C12orf42: variants seen among roughly 807,000 people sequenced by gnomAD.
The protein encoded by C12orf42 is uncharacterized protein C12orf42.
Under a neutral mutation model 21.6 loss-of-function variants are expected in C12orf42, and 25 were observed. The observed-to-expected ratio is 1.16, with a 90% CI of 0.84 to 1.62. The LOEUF is 1.62. C12orf42 is among the 40% of genes most tolerant of loss of function. The pLI, the probability that C12orf42 is intolerant of heterozygous loss-of-function variation, is 0.00. For missense variants in C12orf42, 483 were observed against 459.3 expected, an observed-to-expected ratio of 1.05 and a Z score of -0.47; for synonymous variants, 174 against 175.0, an observed-to-expected ratio of 0.99 and a Z score of 0.05.
the C12orf42 span, among the ~76,000 whole-genome samples, chr12:103,051,078 G>A: frequency 6.6e-6 from 1 of 152,124 alleles, no homozygotes; most frequent in Non-Finnish European, 1.5e-5. Context: ...AAAACTAAAA[G>A]TGTTCTGTAA....
chr12:103,280,788 G>A (rs960156237), intron 4 of C12orf42, among the ~76,000 whole-genome samples: 7 of 152,192 alleles, frequency 4.6e-5, no homozygotes, highest in Admixed American at 1.3e-4. Flanking sequence ...TCCACCACAC[G>A]AACCTATGGA....
the C12orf42 span, among the ~76,000 whole-genome samples, chr12:103,069,858 G>A: frequency 6.6e-6 from 1 of 152,154 alleles, no homozygotes; most frequent in Non-Finnish European, 1.5e-5. Flanking sequence ...GTCTCACCAT[G>A]TCCTTTGAAA....
At chr12:103,137,913 A>AAAC in the C12orf42 span, among the ~76,000 whole-genome samples, 1 of 152,132 alleles carries the variant, frequency 6.6e-6, no homozygotes, top group Non-Finnish European at 1.5e-5. Context: ...TTATGGGTAC[A>AAAC]AACATAAAGT....
the C12orf42 span, among the ~76,000 whole-genome samples, chr12:103,530,686 G>A: frequency 1.3e-5 from 2 of 152,142 alleles, no homozygotes; most frequent in Non-Finnish European, 2.9e-5. Flanking sequence ...GGAGGTGAGG[G>A]GTGAAGGAGA....
At chr12:103,240,625 C>A (rs2136166058) in intron 10 of C12orf42, among the ~76,000 whole-genome samples, 1 of 152,288 alleles carries the variant, frequency 6.6e-6, no homozygotes, top group South Asian at 2.1e-4. Flanking sequence ...ACCGCTGTTT[C>A]CATGTCCCAG....
intron 10 of C12orf42, chr12:103,262,552 A>AT (rs2034948995): frequency 6.6e-6 from 1 of 152,080 alleles, no homozygotes. Flanking sequence ...CTTTTTATTA[A>AT]TTTTTTGTAT....
the C12orf42 span, among the ~76,000 whole-genome samples, chr12:103,213,651 G>T: frequency 1.3e-5 from 2 of 152,086 alleles, no homozygotes; most frequent in Admixed American, 1.3e-4. Context: ...TAGTTTTCTC[G>T]AGGAGATTCA....
chr12:103,086,933 T>A, the C12orf42 span, among the ~76,000 whole-genome samples: 1 of 152,146 alleles, frequency 6.6e-6, no homozygotes, highest in Non-Finnish European at 1.5e-5. Context: ...GTTGCTTTCC[T>A]CTGTTACAGC....
chr12:103,351,322 C>T (rs1241658711), intron 4 of C12orf42, among the ~76,000 whole-genome samples: 1 of 152,078 alleles, frequency 6.6e-6, no homozygotes, highest in Non-Finnish European at 1.5e-5. Context: ...TGTTTCTGTA[C>T]CTCACTTCCG....
chr12:103,470,504 C>T (rs555122403), intron 2 of C12orf42, among the ~76,000 whole-genome samples: 1 of 152,292 alleles, frequency 6.6e-6, no homozygotes, highest in African/African-American at 2.4e-5. Context: ...GTTACCACGC[C>T]TTTAAAACTT....
In C12orf42 at chr12:103,306,293, A is replaced by C. The variant is rs201864057; in HGVS notation, c.312T>G (p.Thr104=). 82 of 1,613,328 alleles carry C rather than the reference A, an allele frequency of 5.1e-5. No individual in the cohort carries two copies. In the East Asian group the frequency reaches 1.6e-3, roughly 31 times the overall value. ...AACACCTGGGGACTATGTACTGGCA[A>C]GTATGAAGTAGTCTTTTACACGCCA... is the stretch of plus-strand genomic sequence containing the variant. ...NSMACKRLLH[T]CQYIVPRCSV... is the part of the protein sequence containing the mutation. Residue 104 remains threonine, a synonymous_variant, in exon 5 of 6, where the codon ACT becomes ACG. Coordinates refer to ENST00000548883, the MANE Select transcript of C12orf42 (RefSeq NM_198521.5).
At chr12:103,060,490 GGAACT>G in the C12orf42 span, among the ~76,000 whole-genome samples, 1 of 152,084 alleles carries the variant, frequency 6.6e-6, no homozygotes, top group South Asian at 2.1e-4. Context: ...AATTTCATAT[GGAACT>G]AAAAAAGAGC....
chr12:103,113,279 C>T, the C12orf42 span, among the ~76,000 whole-genome samples: 2 of 152,152 alleles, frequency 1.3e-5, no homozygotes, highest in African/African-American at 4.8e-5. Context: ...TTTCGGCGTC[C>T]TTCCATCTTT....
At chr12:103,145,689 T>C in the C12orf42 span, among the ~76,000 whole-genome samples, 1 of 152,206 alleles carries the variant, frequency 6.6e-6, no homozygotes, top group Non-Finnish European at 1.5e-5. Flanking sequence ...TATTACAACA[T>C]TGTATATAAT....
At chr12:103,377,780 T>C (rs1178965036) in intron 3 of C12orf42, among the ~76,000 whole-genome samples, 1 of 152,092 alleles carries the variant, frequency 6.6e-6, no homozygotes, top group Non-Finnish European at 1.5e-5. Flanking sequence ...CCCAGGTTTT[T>C]CTGGGGGGTA....
chr12:103,214,786 T>C, the C12orf42 span, among the ~76,000 whole-genome samples: 1 of 152,188 alleles, frequency 6.6e-6, no homozygotes, highest in African/African-American at 2.4e-5. Context: ...TTATCACTAT[T>C]TCTGTTGCAT....
the C12orf42 span, among the ~76,000 whole-genome samples, chr12:103,134,026 T>C: frequency 2.0e-5 from 3 of 152,232 alleles, no homozygotes; most frequent in Non-Finnish European, 2.9e-5. Flanking sequence ...GTCTCAAGTA[T>C]GTCTTTATTA....
At chr12:103,237,763 G>C (rs897064984) in exon 11 of C12orf42, 1 of 152,130 alleles carries the variant, frequency 6.6e-6, no homozygotes, top group Non-Finnish European at 1.5e-5. Flanking sequence ...ATCCTTCATT[G>C]GTTAGTGCAG....
At chr12:103,310,998 G>T (rs1001573708) in intron 4 of C12orf42, among the ~76,000 whole-genome samples, 2 of 152,054 alleles carry the variant, frequency 1.3e-5, no homozygotes, top group Admixed American at 1.3e-4. Context: ...ATACACTTTC[G>T]CATTCCAGGA....
Sources: gnomAD v4.1 joint callset for allele counts (sites outside exome capture counted in the v4.1 genomes callset) on GRCh38, gnomAD v4.1.1 for gene constraint, MANE v1.5 for transcripts, NCBI Gene and HGNC (gene_info 2026-07-23, HGNC 2026-07-21) for gene names.